The following MAP3K5 variants were observed in gnomAD, a reference collection of about 807,000 sequenced individuals.
MAP3K5 encodes the protein ASK-1.
A neutral mutation model predicts 158.7 loss-of-function variants in MAP3K5; 56 were observed. The observed-to-expected ratio is 0.35, with a 90% CI of 0.28 to 0.44. The LOEUF (loss-of-function observed/expected upper bound fraction) is 0.44, where lower values mean the gene tolerates loss of function less well. MAP3K5 is among the 20% of genes least tolerant of loss of function. The pLI is 1.00. For missense variants in MAP3K5, 1,294 were observed against 1,674.8 expected (o/e 0.77, Z 3.97); for synonymous variants, 579 against 601.7 (o/e 0.96, Z 0.55).
chr6:136,561,547 C>T lies in MAP3K5; in HGVS notation c.3973G>A (p.Asp1325Asn). The change falls in exon 28 of 30, where the codon GAC (aspartate) becomes AAC (asparagine). Residue 1325 changes from aspartate (D) to asparagine (N), a missense_variant. Asp to Asn is a conservative substitution (Grantham distance 23). Around this residue, in one of 5 missense-constraint regions of MAP3K5, gnomAD observed 199 missense variants for 220.3 expected, o/e 0.90. Transcript: ENST00000359015. ...GTTTTCTTTACCCGGCTTATAGTGT[C>T]TTCATCAGCTCCATTCACTCTCAGC... Reference protein sequence around the residue: ...DWLRVNGADEDTISRFLAEDY... With the variant: ...DWLRVNGADENTISRFLAEDY... The T allele has an allele frequency of 6.2e-7, 1 of 1,611,924 alleles. No homozygotes were observed. The highest frequency in any genetic ancestry group is 1.7e-4 in the Middle Eastern group (1 of 6,060).
In MAP3K5 at chr6:136,642,559, T is replaced by C. The variant is rs961648371; in HGVS notation, c.1799A>G (p.His600Arg). ...AGAAGAGGCACTAAAATTCCACTCA[T>C]GTATACCTTTCTAGAACAACAACAA... Reference protein sequence around the residue: ...HVLPDDKKGIHEWNFSASSVR... With the variant: ...HVLPDDKKGIREWNFSASSVR... The change falls in exon 12 of 30, where the codon CAT becomes CGT. Residue 600 changes from histidine to arginine, a missense_variant. Physicochemically the swap from His to Arg is conservative, Grantham distance 29. Transcript: ENST00000359015. The C allele has an allele frequency of 3.7e-6, 6 of 1,606,742 alleles. No homozygotes were observed. The highest frequency in any genetic ancestry group is 1.3e-5 in the African/African-American group (1 of 74,840).
At chr6:136,691,664 TTAA>T (rs1780394056) in intron 7 of MAP3K5, among the ~76,000 whole-genome samples, 1 of 152,162 alleles carries the variant, frequency 6.6e-6, no homozygotes, top group South Asian at 2.1e-4. Flanking sequence ...ATTGGAATTA[TTAA>T]TGACTTCATC....
Position 136,659,699 on chromosome 6 carries a change from G to A in MAP3K5, c.1367-321C>T, listed in dbSNP as rs78293327. 1.4e-3 allele frequency among the ~76,000 whole-genome samples: 217 copies of A among 152,292 alleles called. 3 individuals are homozygous for A. In the East Asian group the frequency reaches 0.025, roughly 17 times the overall value. On this transcript the variant is annotated intron_variant, in intron 8 of 29. Coordinates refer to ENST00000359015, the MANE Select transcript of MAP3K5 (RefSeq NM_005923.4). The stretch of plus-strand genomic sequence containing the variant: ...CCTAAACGTGGAAAGCAGAATAGAG[G>A]TTACTAGGGACTGGGGGAAGAAGGG...
At chr6:136,771,094 G>A (rs772584199) in intron 1 of MAP3K5, among the ~76,000 whole-genome samples, 2 of 152,128 alleles carry the variant, frequency 1.3e-5, no homozygotes, top group Non-Finnish European at 2.9e-5. Flanking sequence ...CCAGCCAGCA[G>A]GTATGGAGAG....
chr6:136,579,721 T>A, intron 25 of MAP3K5: 1 of 434,876 alleles, frequency 2.3e-6, no homozygotes, highest in Non-Finnish European at 4.6e-6. Context: ...AGGCTATGCA[T>A]GTGTTAGGCT....
intron 1 of MAP3K5, among the ~76,000 whole-genome samples, chr6:136,786,379 CAAAAAAAAAA>C (rs11398691): frequency 6.3e-4 from 51 of 80,986 alleles, no homozygotes; most frequent in African/African-American, 2.4e-3. Context: ...AACTCCATCT[CAAAAAAAAAA>C]AAAAAAAAAA....
intron 1 of MAP3K5, among the ~76,000 whole-genome samples, chr6:136,726,716 C>T (rs1199936860): frequency 6.6e-6 from 1 of 151,802 alleles, no homozygotes; most frequent in Non-Finnish European, 1.5e-5. Context: ...TAAATGTTTT[C>T]TCTTTTTGGT....
intron 7 of MAP3K5, among the ~76,000 whole-genome samples, chr6:136,682,176 C>A (rs574604094): frequency 6.6e-6 from 1 of 152,258 alleles, no homozygotes; most frequent in South Asian, 2.1e-4. Context: ...TGCTGAGTTA[C>A]TAAAAACTTT....
intron 29 of MAP3K5, among the ~76,000 whole-genome samples, chr6:136,558,243 G>A (rs979255557): frequency 6.6e-6 from 1 of 152,128 alleles, no homozygotes; most frequent in Non-Finnish European, 1.5e-5. Flanking sequence ...GCTGGGCGTG[G>A]TGGTGGGCGC....
chr6:136,790,340 G>A (rs752690773), intron 1 of MAP3K5, among the ~76,000 whole-genome samples: 13 of 152,100 alleles, frequency 8.5e-5, no homozygotes, highest in Non-Finnish European at 1.6e-4. Flanking sequence ...GTTCAGTTGG[G>A]TATTTTCCTC....
intron 1 of MAP3K5, among the ~76,000 whole-genome samples, chr6:136,732,294 G>A (rs889610560): frequency 1.7e-4 from 26 of 152,012 alleles, no homozygotes; most frequent in African/African-American, 5.8e-4. Flanking sequence ...GCACAGTGGC[G>A]GGCGCTTGTA....
intron 1 of MAP3K5, among the ~76,000 whole-genome samples, chr6:136,741,685 A>G (rs542146742): frequency 1.1e-4 from 16 of 152,304 alleles, no homozygotes; most frequent in African/African-American, 3.1e-4. Flanking sequence ...TGATGGAGAC[A>G]AGAAATAAAA....
intron 1 of MAP3K5, among the ~76,000 whole-genome samples, chr6:136,766,373 C>G (rs187285734): frequency 3.9e-5 from 6 of 152,346 alleles, no homozygotes; most frequent in Admixed American, 3.9e-4. Flanking sequence ...CCACTGATCC[C>G]ACAGCCAAGT....
At chr6:136,619,957 G>A (rs918595280) in intron 15 of MAP3K5, among the ~76,000 whole-genome samples, 3 of 152,238 alleles carry the variant, frequency 2.0e-5, no homozygotes, top group Non-Finnish European at 4.4e-5. Flanking sequence ...ACTTTAGGGA[G>A]AGTACATTTG....
At chr6:136,621,039 C>A (rs1455233560) in intron 15 of MAP3K5, among the ~76,000 whole-genome samples, 2 of 151,886 alleles carry the variant, frequency 1.3e-5, no homozygotes, top group Non-Finnish European at 2.9e-5. Context: ...CGGTTTTTGC[C>A]ATTAATTACT....
At chr6:136,704,781 C>G (rs7748629) in intron 3 of MAP3K5, among the ~76,000 whole-genome samples, 86,410 of 151,580 alleles carry the variant, frequency 0.57, 25,757 homozygotes, top group African/African-American at 0.75. Context: ...CCTGACCTCA[C>G]GTGATCTGCC....
intron 3 of MAP3K5, among the ~76,000 whole-genome samples, chr6:136,698,990 C>T (rs957722297): frequency 6.6e-6 from 1 of 152,176 alleles, no homozygotes; most frequent in South Asian, 2.1e-4. Context: ...TAGTTTAAAG[C>T]ATGGCCTTCA....
intron 3 of MAP3K5, among the ~76,000 whole-genome samples, chr6:136,699,685 T>G (rs1780760746): frequency 6.6e-6 from 1 of 152,112 alleles, no homozygotes; most frequent in Non-Finnish European, 1.5e-5. Context: ...ATACCCTGAG[T>G]AAGCAAATCT....
intron 14 of MAP3K5, among the ~76,000 whole-genome samples, chr6:136,634,617 C>T (rs1777530576): frequency 6.6e-6 from 1 of 151,916 alleles, no homozygotes; most frequent in Admixed American, 6.6e-5. Context: ...TCTCACTCTG[C>T]AGCTCAGGCT....
Sources: gnomAD v4.1 joint callset for allele counts (sites outside exome capture counted in the v4.1 genomes callset) on GRCh38, gnomAD v4.1.1 for gene constraint, gnomAD v4.1.1 regional missense constraint, MANE v1.5 for transcripts, NCBI Gene and HGNC (gene_info 2026-07-23, HGNC 2026-07-21) for gene names.